Variants in ZDHHC12 observed in about 807,000 individuals in gnomAD.
The protein encoded by ZDHHC12 is zDHHC palmitoyltransferase 12.
In ZDHHC12, 26 loss-of-function variants were observed where a neutral mutation model predicts 33.2. The observed-to-expected ratio is 0.78, with a 90% CI of 0.57 to 1.09. The LOEUF (loss-of-function observed/expected upper bound fraction) is 1.09. Ranked by LOEUF, ZDHHC12 falls within the 50% of genes least tolerant of loss-of-function variation. The pLI, the probability that ZDHHC12 is intolerant of heterozygous loss-of-function variation, is 0.00. For synonymous variants in ZDHHC12, 154 were observed against 152.1 expected (o/e 1.01, Z -0.09); for missense variants, 350 against 353.0 (o/e 0.99, Z 0.07).
In ZDHHC12 at chr9:128,721,142, G is replaced by A. The variant is rs1029667784; in HGVS notation, c.*39C>T. ...ACCCCAGCTGGGGACAGGCCCCGTG[G>A]TTTTCAGGCACAAGACGGTAGCCCG... On this transcript the variant is annotated 3_prime_UTR_variant, in exon 5 of 5. Coordinates refer to ENST00000372663, the MANE Select transcript of ZDHHC12 (RefSeq NM_032799.5). The surrounding 1 kb of genome is among the most constrained non-coding windows in gnomAD (Gnocchi z 6.9). The A allele has an allele frequency of 2.7e-6, 4 of 1,499,418 alleles. No individual in the cohort carries two copies. The African/African-American group carries it at 4.2e-5, about 16-fold the overall frequency. 92.9% of individuals were successfully genotyped at this position (1,499,418 alleles called of 1,614,324 possible).
chr9:128,721,974 C>T lies in ZDHHC12; in HGVS notation c.315+35G>A, dbSNP rs758079413. The T allele has an allele frequency of 4.0e-6, 6 of 1,499,518 alleles. No individual in the cohort carries two copies. The African/African-American group carries it at 6.9e-5, about 17-fold the overall frequency. 92.9% of individuals were successfully genotyped at this position (1,499,518 alleles called of 1,614,324 possible). On this transcript the variant is annotated intron_variant, in intron 3 of 4. Transcript: ENST00000372663. This position sits in a 1 kb window ranked among gnomAD's most constrained non-coding sequence, Gnocchi z 6.9. ...GAGGTCGAGGAGTCTCAGCTTTGGC[C>T]CAACCTCTCCCACGGGTGTCCGTGC...
rs1044611041 is a variant in ZDHHC12, at chr9:128,724,033, T to A, written c.61A>T (p.Thr21Ser). Residue 21 changes from threonine (T) to serine (S), a missense_variant, in exon 1 of 5, where the codon ACC (threonine) becomes TCC (serine). Thr to Ser is a moderately conservative substitution (Grantham distance 58). Coordinates refer to ENST00000372663, the MANE Select transcript of ZDHHC12 (RefSeq NM_032799.5). The stretch of plus-strand genomic sequence containing the variant: ...AAGAGCACCAGCGTGATTCCCCAGG[T>A]CAGCACGGTGTGCCCGGTCCGCACC... ...VLVRTGHTVL[T>S]WGITLVLFLH... 2 of 1,612,560 alleles carry A rather than the reference T, an allele frequency of 1.2e-6. No individual in the cohort carries two copies.
At position 128,723,718 on chromosome 9, in the gene ZDHHC12, G is replaced by C. The variant is rs185942375; in HGVS notation, c.100+276C>G. The C allele has an allele frequency of 3.0e-5, 15 of 506,840 alleles. No homozygotes were observed. Among genetic ancestry groups the C allele is most frequent in the Non-Finnish European group, 3.5e-6 (1 of 286,904 alleles). The allele number at this position is 506,840 out of a possible 1,614,324, so 31.4% of individuals were successfully genotyped here. On this transcript the variant is annotated intron_variant, in intron 1 of 4. Transcript: ENST00000372663. The surrounding 1 kb of genome is among the most constrained non-coding windows in gnomAD (Gnocchi z 4.4). The stretch of plus-strand genomic sequence containing the variant: ...GATCAGGGGACATGGGGCTCAAGTC[G>C]GTCCTTGGATCTGGTGGGCACCGGC...
In ZDHHC12 at chr9:128,721,862, T is replaced by A. The variant is rs919928599; in HGVS notation, c.316-45A>T. 1 of 1,604,290 alleles carries A rather than the reference T, an allele frequency of 6.2e-7. No individual in the cohort carries two copies. Among genetic ancestry groups the A allele is most frequent in the African/African-American group, 1.3e-5 (1 of 74,758 alleles). ...TGGAGGCTCAGTGCCAGCCCTGCTG[T>A]GGGCCCACCACTGAGGGAAGGAATC... On this transcript the variant is annotated intron_variant, in intron 3 of 4. Transcript: ENST00000372663. The surrounding 1 kb of genome is among the most constrained non-coding windows in gnomAD (Gnocchi z 6.9).
At position 128,723,808 on chromosome 9, in the gene ZDHHC12, A is replaced by C; in HGVS notation, c.100+186T>G. 1.2e-6 allele frequency: 1 copy of C among 846,430 alleles called. No individual in the cohort carries two copies. Among genetic ancestry groups the C allele is most frequent in the Non-Finnish European group, 1.8e-6 (1 of 557,376 alleles). The allele number at this position is 846,430 out of a possible 1,614,324, so 52.4% of individuals were successfully genotyped here. On this transcript the variant is annotated intron_variant, in intron 1 of 4. Transcript: ENST00000372663. The surrounding 1 kb of genome is among the most constrained non-coding windows in gnomAD (Gnocchi z 4.4). Reference sequence around the variant, plus strand: ...AAGATGCTGGGATTAATTAGGGATCAACGGGGTATCAGACAGAGAGCAGGT... The same window carrying C: ...AAGATGCTGGGATTAATTAGGGATCCACGGGGTATCAGACAGAGAGCAGGT...
rs374596844 is a variant in ZDHHC12 at position 128,721,376 on chromosome 9, G to A, written c.609C>T (p.Tyr203=). ...AGGTGGTGGTGTTGCTGGCCACCAG[G>A]TAGAGGTGCGAGACGAGGAGCAGGC... ...VASLLLVSHL[Y]LVASNTTTWE... Residue 203 remains tyrosine (Y), a synonymous_variant, in exon 5 of 5, where the codon TAC becomes TAT. Transcript: ENST00000372663. This position sits in a 1 kb window ranked among gnomAD's most constrained non-coding sequence, Gnocchi z 6.9. The A allele has an allele frequency of 4.4e-6, 7 of 1,583,540 alleles. No individual in the cohort carries two copies. The highest frequency in any genetic ancestry group is 6.0e-6 in the Non-Finnish European group (7 of 1,165,002).
Position 128,723,913 on chromosome 9 carries a change from G to A in ZDHHC12, c.100+81C>T. 2 of 1,533,578 alleles carry A rather than the reference G, an allele frequency of 1.3e-6. No homozygotes were observed. The highest frequency in any genetic ancestry group is 2.4e-5 in the South Asian group (2 of 83,200). 95.0% of individuals were successfully genotyped at this position (1,533,578 alleles called of 1,614,324 possible). ...CAATCCCAGGATCTCCAGGGATTAG[G>A]CGGGAGACCCAGTGTGACCAGAACG... is the stretch of plus-strand genomic sequence containing the variant. On this transcript the variant is annotated intron_variant, in intron 1 of 4. Coordinates refer to ENST00000372663, the MANE Select transcript of ZDHHC12 (RefSeq NM_032799.5). The surrounding 1 kb of genome is among the most constrained non-coding windows in gnomAD (Gnocchi z 4.4).
chr9:128,720,965 T>C lies in ZDHHC12; in HGVS notation c.*216A>G, dbSNP rs1862526107. The C allele has an allele frequency of 4.9e-6, 3 of 618,134 alleles. No individual in the cohort carries two copies. Among genetic ancestry groups the C allele is most frequent in the Middle Eastern group, 4.4e-4 (1 of 2,288 alleles). The allele number at this position is 618,134 out of a possible 1,614,324, so 38.3% of individuals were successfully genotyped here. A position where few individuals can be genotyped will look rare whatever the true frequency, so the allele number is the denominator to read the frequency against. ...GGCTGGGGTGGAGCCCGGGGTCTGC[T>C]TGGGCCTGAGCCACCCACAGGTCCT... On this transcript the variant is annotated 3_prime_UTR_variant, in exon 5 of 5. Transcript: ENST00000372663. The surrounding 1 kb of genome is among the most constrained non-coding windows in gnomAD (Gnocchi z 5.5).
chr9:128,722,648 G>A lies in ZDHHC12; in HGVS notation c.101-74C>T. 6.5e-7 allele frequency: 1 copy of A among 1,545,608 alleles called. No homozygotes were observed. Among genetic ancestry groups the A allele is most frequent in the Non-Finnish European group, 8.7e-7 (1 of 1,143,298 alleles). ...TGGGTGGGGTTGGGGTGCAGTTGGA[G>A]GTGGGGAAGTGTGTTCCTGGCTGAG... On this transcript the variant is annotated intron_variant, in intron 1 of 4. Coordinates refer to ENST00000372663, the MANE Select transcript of ZDHHC12 (RefSeq NM_032799.5). This position sits in a 1 kb window ranked among gnomAD's most constrained non-coding sequence, Gnocchi z 4.2.
At position 128,721,822 on chromosome 9, in the gene ZDHHC12, G is replaced by A. The variant is rs749454537; in HGVS notation, c.316-5C>T. 2.5e-6 allele frequency: 4 copies of A among 1,612,050 alleles called. No individual in the cohort carries two copies. Among genetic ancestry groups the A allele is most frequent in the East Asian group, 2.2e-5 (1 of 44,870 alleles). ...GTGCCGAGCCCTCAGGGGCTGCTGT[G>A]GGCATGGAGGAGAGTGGAGGCTCAG... On this transcript the variant is annotated splice_region_variant and splice_polypyrimidine_tract_variant and intron_variant, in intron 3 of 4. Transcript: ENST00000372663. This position sits in a 1 kb window ranked among gnomAD's most constrained non-coding sequence, Gnocchi z 6.9.
In ZDHHC12 at chr9:128,721,468, A is replaced by G. The variant is rs1369407447; in HGVS notation, c.517T>C (p.Trp173Arg). ...AACAGGAGCCCGCTGGACCGCAACC[A>G]CTGACCCCAGGGCTGGAAGAACCGG... ...GLRFFQPWGQ[W>R]LRSSGLLFAT... is the part of the protein sequence containing the mutation. The change falls in exon 5 of 5, where the codon TGG becomes CGG. Residue 173 changes from tryptophan (W) to arginine (R), a missense_variant. Transcript: ENST00000372663. This position sits in a 1 kb window ranked among gnomAD's most constrained non-coding sequence, Gnocchi z 6.9. The G allele has an allele frequency of 2.5e-6, 4 of 1,593,840 alleles. No homozygotes were observed. In the African/African-American group the frequency reaches 5.4e-5, roughly 21 times the overall value.
chr9:128,724,059 A>G lies in ZDHHC12; in HGVS notation c.35T>C (p.Leu12Pro). The G allele has an allele frequency of 6.2e-7, 1 of 1,609,588 alleles. No individual in the cohort carries two copies. ...APWALLSPGV[L>P]VRTGHTVLTW... ...CAGCACGGTGTGCCCGGTCCGCACC[A>G]GGACCCCAGGGCTGAGGAGCGCCCA... Residue 12 changes from leucine (L) to proline (P), a missense_variant, in exon 1 of 5, where the codon CTG becomes CCG. By Grantham distance (98) the Leu-to-Pro change is moderately conservative. Transcript: ENST00000372663.
Position 128,723,560 on chromosome 9 carries a change from C to A in ZDHHC12, c.100+434G>T. 1 of 258,088 alleles carries A rather than the reference C, an allele frequency of 3.9e-6. No homozygotes were observed. The highest frequency in any genetic ancestry group is 5.5e-5 in the Admixed American group (1 of 18,270). The allele number at this position is 258,088 out of a possible 1,614,324, so 16.0% of individuals were successfully genotyped here. On this transcript the variant is annotated intron_variant, in intron 1 of 4. Coordinates refer to ENST00000372663, the MANE Select transcript of ZDHHC12 (RefSeq NM_032799.5). The surrounding 1 kb of genome is among the most constrained non-coding windows in gnomAD (Gnocchi z 4.4). ...GCCTGAGGGTTTGCCTGGACTTGGG[C>A]AGCTAGTGGCCATGGGGGTGTGGGG...
rs1257508683 is a variant in ZDHHC12 at position 128,721,510 on chromosome 9, G to A, written c.483-8C>T. ...AAGAACCGGAGGCCTGACCTGCGGT[G>A]CAGGGGACAGGGGCCTGGTGCTGGG... On this transcript the variant is annotated splice_region_variant and splice_polypyrimidine_tract_variant and intron_variant, in intron 4 of 4. Transcript: ENST00000372663. The surrounding 1 kb of genome is among the most constrained non-coding windows in gnomAD (Gnocchi z 6.9). 12 of 1,602,182 alleles carry A rather than the reference G, an allele frequency of 7.5e-6. No individual in the cohort carries two copies. In the Admixed American group the frequency reaches 1.6e-4, roughly 21 times the overall value.
In ZDHHC12 at chr9:128,724,071, C is replaced by G. The variant is rs748862639; in HGVS notation, c.23G>C (p.Ser8Thr). The change falls in exon 1 of 5, where the codon AGC (serine) becomes ACC (threonine). Residue 8 changes from serine to threonine, a missense_variant. Coordinates refer to ENST00000372663, the MANE Select transcript of ZDHHC12 (RefSeq NM_032799.5). Reference sequence around the variant, plus strand: ...CCCGGTCCGCACCAGGACCCCAGGGCTGAGGAGCGCCCAGGGCGCCATCGC... The same window carrying G: ...CCCGGTCCGCACCAGGACCCCAGGGGTGAGGAGCGCCCAGGGCGCCATCGC... Reference protein sequence around the residue: MAPWALLSPGVLVRTGHT... With the variant: MAPWALLTPGVLVRTGHT... 3.8e-6 allele frequency: 6 copies of G among 1,597,462 alleles called. No homozygotes were observed. The highest frequency in any genetic ancestry group is 3.4e-5 in the Admixed American group (2 of 59,030).
At position 128,722,364 on chromosome 9, in the gene ZDHHC12, CAGCACAG is replaced by C. The variant is rs1862590270; in HGVS notation, c.237+67_237+73del. 2.1e-6 allele frequency: 3 copies of C among 1,447,636 alleles called. No homozygotes were observed. Among genetic ancestry groups the C allele is most frequent in the South Asian group, 2.9e-5 (2 of 68,320 alleles). 89.7% of individuals were successfully genotyped at this position (1,447,636 alleles called of 1,614,324 possible). On this transcript the variant is annotated intron_variant, in intron 2 of 4. Transcript: ENST00000372663. The surrounding 1 kb of genome is among the most constrained non-coding windows in gnomAD (Gnocchi z 4.2). ...ACTGAACTGCTCCCACAAGAGCCTGCAGCACAGAGCCTGGCATGGAGACTGGTGCTGG... is the reference window on the plus strand; with the variant it reads ...ACTGAACTGCTCCCACAAGAGCCTGCAGCCTGGCATGGAGACTGGTGCTGG...
In ZDHHC12 at chr9:128,721,129, G is replaced by C; in HGVS notation, c.*52C>G. 1.4e-6 allele frequency: 2 copies of C among 1,476,546 alleles called. No homozygotes were observed. The highest frequency in any genetic ancestry group is 1.8e-6 in the Non-Finnish European group (2 of 1,116,452). The allele number at this position is 1,476,546 out of a possible 1,614,324, so 91.5% of individuals were successfully genotyped here. A position where few individuals can be genotyped will look rare whatever the true frequency, so the allele number is the denominator to read the frequency against. Reference sequence around the variant, plus strand: ...CCTCTGAGCGCTCACCCCAGCTGGGGACAGGCCCCGTGGTTTTCAGGCACA... The same window carrying C: ...CCTCTGAGCGCTCACCCCAGCTGGGCACAGGCCCCGTGGTTTTCAGGCACA... On this transcript the variant is annotated 3_prime_UTR_variant, in exon 5 of 5. Transcript: ENST00000372663. This position sits in a 1 kb window ranked among gnomAD's most constrained non-coding sequence, Gnocchi z 6.9.
Position 128,721,315 on chromosome 9 carries a change from G to C in ZDHHC12, c.670C>G (p.Arg224Gly), listed in dbSNP as rs78911339. The change falls in exon 5 of 5, where the codon CGC (arginine) becomes GGC (glycine). Residue 224 changes from arginine (R) to glycine (G), a missense_variant. By Grantham distance (125) the Arg-to-Gly change is moderately radical. Transcript: ENST00000372663. The surrounding 1 kb of genome is among the most constrained non-coding windows in gnomAD (Gnocchi z 6.9). ...TCGAAGGGGTTGCTGGGGCGCTGGCGGAGATAGGCGATGCGGTGTGAGGAG... is the reference window on the plus strand; with the variant it reads ...TCGAAGGGGTTGCTGGGGCGCTGGCCGAGATAGGCGATGCGGTGTGAGGAG... ...FISSHRIAYL[R>G]QRPSNPFDRG... The C allele has an allele frequency of 1.3e-6, 2 of 1,593,854 alleles. No homozygotes were observed. Among genetic ancestry groups the C allele is most frequent in the African/African-American group, 2.7e-5 (2 of 74,700 alleles).
chr9:128,721,503 C>T lies in ZDHHC12; in HGVS notation c.483-1G>A, dbSNP rs370105162. On this transcript the variant is annotated splice_acceptor_variant, in intron 4 of 4. Transcript: ENST00000372663. LOFTEE classifies it high-confidence loss of function. The surrounding 1 kb of genome is among the most constrained non-coding windows in gnomAD (Gnocchi z 6.9). ...GGGCTGGAAGAACCGGAGGCCTGAC[C>T]TGCGGTGCAGGGGACAGGGGCCTGG... is the stretch of plus-strand genomic sequence containing the variant. 2.5e-6 allele frequency: 4 copies of T among 1,602,116 alleles called. No homozygotes were observed. Among genetic ancestry groups the T allele is most frequent in the African/African-American group, 2.7e-5 (2 of 74,692 alleles).
Sources: gnomAD v4.1 joint callset for allele counts on GRCh38, gnomAD v4.1.1 for gene constraint, Gnocchi (gnomAD v3.1) non-coding constraint, MANE v1.5 for transcripts, NCBI Gene and HGNC (gene_info 2026-07-23, HGNC 2026-07-21) for gene names.